PSD3: variants seen among roughly 807,000 people sequenced by gnomAD.
PSD3 encodes the protein pleckstrin and Sec7 domain containing 3, also known as PH and SEC7 domain-containing protein 3.
In PSD3, 49 loss-of-function variants were observed where a neutral mutation model predicts 105.5. The observed-to-expected ratio is 0.46, with a 90% CI of 0.37 to 0.59. The LOEUF is 0.59. PSD3 is among the 20% of genes least tolerant of loss of function. The pLI is 0.00. For synonymous variants in PSD3, 557 were observed against 457.8 expected (o/e 1.22, Z -2.77); for missense variants, 1,561 against 1,263.8 (o/e 1.24, Z -3.57).
chr8:18,533,755 G>A lies in PSD3; in HGVS notation c.*1988C>T, dbSNP rs1799722923. On this transcript the variant is annotated 3_prime_UTR_variant, in exon 16 of 16. Coordinates refer to ENST00000327040, the MANE Select transcript of PSD3 (RefSeq NM_015310.4). ...ATATCCTGATAATTTAGATTATCAGGTAGAAAGACAGATAACTTGCTTGTG... is the reference window on the plus strand; with the variant it reads ...ATATCCTGATAATTTAGATTATCAGATAGAAAGACAGATAACTTGCTTGTG... The A allele has an allele frequency of 6.6e-6, 1 of 152,092 alleles. No individual in the cohort carries two copies. The highest frequency in any genetic ancestry group is 6.5e-5 in the Admixed American group (1 of 15,274). The allele number at this position is 152,092 out of a possible 1,614,324, so 9.4% of individuals were successfully genotyped here.
At chr8:18,651,454 C>T (rs992159926) in intron 10 of PSD3, among the ~76,000 whole-genome samples, 1 of 152,214 alleles carries the variant, frequency 6.6e-6, no homozygotes, top group Non-Finnish European at 1.5e-5. Flanking sequence ...CTAAACTACA[C>T]ATTGTAGGCT....
intron 1 of PSD3, among the ~76,000 whole-genome samples, chr8:18,945,922 C>T (rs955828082): frequency 1.3e-5 from 2 of 152,292 alleles, no homozygotes; most frequent in Admixed American, 6.5e-5. Context: ...TGCCGTGAGC[C>T]GAGATCGCGC....
chr8:18,744,511 A>G (rs1395542256), intron 9 of PSD3, among the ~76,000 whole-genome samples: 1 of 152,176 alleles, frequency 6.6e-6, no homozygotes, highest in Non-Finnish European at 1.5e-5. Context: ...ATTATTCTCA[A>G]TTTTTTGCTA....
At chr8:18,839,601 G>C (rs902754562) in intron 4 of PSD3, among the ~76,000 whole-genome samples, 21 of 152,118 alleles carry the variant, frequency 1.4e-4, no homozygotes, top group Non-Finnish European at 2.9e-5. Context: ...AATGTAAGCA[G>C]GAACCAGGTT....
intron 9 of PSD3, among the ~76,000 whole-genome samples, chr8:18,692,175 C>T (rs562638844): frequency 2.5e-4 from 38 of 152,250 alleles, no homozygotes; most frequent in African/African-American, 9.1e-4. Flanking sequence ...TTTTAACTTC[C>T]CTCATTCACT....
At chr8:18,653,588 A>C (rs1808680312) in intron 10 of PSD3, among the ~76,000 whole-genome samples, 1 of 152,166 alleles carries the variant, frequency 6.6e-6, no homozygotes, top group South Asian at 2.1e-4. Flanking sequence ...TTCACACCAA[A>C]ATTTATCTGA....
Position 18,978,499 on chromosome 8 carries a change from G to C in PSD3, c.21+35064C>G, listed in dbSNP as rs914194623. Among the ~76,000 whole-genome samples, 4 of 152,128 alleles carry C rather than the reference G, an allele frequency of 2.6e-5. 1 individual carries two copies. Among genetic ancestry groups the C allele is most frequent in the African/African-American group, 9.7e-5 (4 of 41,420 alleles). ...TGAAAATTAACAAATTCTAAAACAT[G>C]CACCTTTCAATTTGCCCCTCCTCTC... On this transcript the variant is annotated intron_variant, in intron 1 of 15. Coordinates refer to ENST00000327040, the MANE Select transcript of PSD3 (RefSeq NM_015310.4).
chr8:18,934,689 G>T (rs773795809), intron 2 of PSD3, among the ~76,000 whole-genome samples: 6 of 152,104 alleles, frequency 3.9e-5, no homozygotes, highest in Non-Finnish European at 7.3e-5. Flanking sequence ...TTTTACAGAT[G>T]AGAAAACTGA....
intron 14 of PSD3, among the ~76,000 whole-genome samples, chr8:18,562,770 T>C (rs1801474196): frequency 1.3e-5 from 2 of 152,118 alleles, no homozygotes; most frequent in South Asian, 2.1e-4. Context: ...GCGCCTTTAA[T>C]TCCAATTGCA....
chr8:18,996,169 G>A (rs561408037), intron 1 of PSD3, among the ~76,000 whole-genome samples: 1 of 152,038 alleles, frequency 6.6e-6, no homozygotes, highest in Non-Finnish European at 1.5e-5. Flanking sequence ...TGGAAACATG[G>A]GGCCTTTTGT....
intron 9 of PSD3, among the ~76,000 whole-genome samples, chr8:18,696,908 C>T (rs151046106): frequency 3.9e-5 from 6 of 152,220 alleles, no homozygotes; most frequent in East Asian, 1.9e-4. Context: ...TTAACTTTAA[C>T]GATGCATCTT....
intron 11 of PSD3, among the ~76,000 whole-genome samples, chr8:18,615,847 G>C (rs1377138428): frequency 1.3e-5 from 2 of 152,148 alleles, no homozygotes; most frequent in African/African-American, 4.8e-5. Flanking sequence ...CGAAGACCCT[G>C]CTGTGCACGC....
intron 4 of PSD3, among the ~76,000 whole-genome samples, chr8:18,857,021 G>A (rs1180979841): frequency 6.6e-6 from 1 of 151,508 alleles, no homozygotes; most frequent in Non-Finnish European, 1.5e-5. Flanking sequence ...TTCCTAAGCA[G>A]GAAAATCAAT....
intron 9 of PSD3, among the ~76,000 whole-genome samples, chr8:18,685,131 T>A (rs144079153): frequency 1.3e-5 from 2 of 152,234 alleles, no homozygotes; most frequent in African/African-American, 4.8e-5. Flanking sequence ...ATCCCACCCC[T>A]CAGATTTAAA....
chr8:18,961,470 T>C (rs547856020), intron 1 of PSD3, among the ~76,000 whole-genome samples: 3 of 152,018 alleles, frequency 2.0e-5, no homozygotes, highest in South Asian at 2.1e-4. Flanking sequence ...GGGCGGATCA[T>C]CTAAGGTCAG....
chr8:18,670,327 A>T (rs1327157170), intron 9 of PSD3, among the ~76,000 whole-genome samples: 1 of 152,104 alleles, frequency 6.6e-6, no homozygotes, highest in Non-Finnish European at 1.5e-5. Context: ...TAAACCAGAA[A>T]AGTTAGAGGT....
intron 9 of PSD3, among the ~76,000 whole-genome samples, chr8:18,672,286 G>A: frequency 6.6e-6 from 1 of 151,830 alleles, no homozygotes. Flanking sequence ...AACGTGCACA[G>A]TTTATTAAAA....
At chr8:18,879,115 G>C (rs980616359) in intron 2 of PSD3, among the ~76,000 whole-genome samples, 1 of 150,288 alleles carries the variant, frequency 6.7e-6, no homozygotes, top group African/African-American at 2.5e-5. Context: ...CTGGCCCCAA[G>C]AGAAGTGACC....
chr8:19,023,907 T>A (rs1003025333), intron 1 of PSD3, among the ~76,000 whole-genome samples: 1 of 152,214 alleles, frequency 6.6e-6, no homozygotes. Flanking sequence ...TCTGTGAGTG[T>A]AAAGCTTTTT....
Sources: gnomAD v4.1 joint callset for allele counts (sites outside exome capture counted in the v4.1 genomes callset) on GRCh38, gnomAD v4.1.1 for gene constraint, MANE v1.5 for transcripts, NCBI Gene and HGNC (gene_info 2026-07-23, HGNC 2026-07-21) for gene names.